Variants in ELMOD2 observed in about 807,000 individuals in gnomAD.
ELMOD2 encodes ELMO domain containing 2, also known as ELMO domain-containing protein 2.
Under a neutral mutation model 41.0 loss-of-function variants are expected in ELMOD2, and 28 were observed. The ratio of observed to expected loss-of-function variants is 0.68; its 90% CI spans 0.51 to 0.94. The LOEUF is 0.94. Among genes scored for constraint, ELMOD2 ranks in the 40% least tolerant of loss-of-function variants. The probability of loss-of-function intolerance (pLI) is 0.00; values close to 1 mark genes in which losing one functional copy is unlikely to be tolerated. For missense variants in ELMOD2, 333 were observed against 343.1 expected, an observed-to-expected ratio of 0.97 and a Z score of 0.23; for synonymous variants, 106 against 107.2, an observed-to-expected ratio of 0.99 and a Z score of 0.07.
chr4:140,552,262 A>C lies in ELMOD2; in HGVS notation c.*1887A>C, dbSNP rs1735488439. On this transcript the variant is annotated 3_prime_UTR_variant, in exon 9 of 9. Coordinates refer to ENST00000323570, the MANE Select transcript of ELMOD2 (RefSeq NM_153702.4). ...TACTTAAGAATGCTTTAAGTAAAGA[A>C]GGGGAAAATTTTAAGTAAGTTTTTT... is the stretch of plus-strand genomic sequence containing the variant. 1 of 152,058 alleles carries C rather than the reference A, an allele frequency of 6.6e-6. No homozygotes were observed. The highest frequency in any genetic ancestry group is 2.4e-5 in the African/African-American group (1 of 41,436). The allele number at this position is 152,058 out of a possible 1,614,324, so 9.4% of individuals were successfully genotyped here. A position where few individuals can be genotyped will look rare whatever the true frequency, so the allele number is the denominator to read the frequency against.
At chr4:140,526,153 T>C (rs755077379) in intron 2 of ELMOD2, among the ~76,000 whole-genome samples, 1 of 152,210 alleles carries the variant, frequency 6.6e-6, no homozygotes, top group African/African-American at 2.4e-5. Context: ...TATAAGAAAA[T>C]GTAAAAAGTC....
chr4:140,550,244 G>T lies in ELMOD2; in HGVS notation c.751G>T (p.Glu251Ter). Reference sequence around the variant, plus strand: ...TTTAACTGCAGGTTATCTTGTCTATGAATTTGACAAGTTTTGGTTTGAAGA... The same window carrying T: ...TTTAACTGCAGGTTATCTTGTCTATTAATTTGACAAGTTTTGGTTTGAAGA... ...FHQFYCYLVY[E>*]FDKFWFEEEP... is the part of the protein sequence containing the mutation. The change falls in exon 9 of 9, where the codon GAA (glutamate) becomes TAA (stop). Residue 251 changes from glutamate (E) to a stop codon, truncating the protein, a stop_gained. Transcript: ENST00000323570. LOFTEE classifies it high-confidence loss of function. The T allele has an allele frequency of 6.2e-7, 1 of 1,609,250 alleles. No homozygotes were observed. The highest frequency in any genetic ancestry group is 2.2e-5 in the East Asian group (1 of 44,630).
intron 3 of ELMOD2, among the ~76,000 whole-genome samples, chr4:140,530,330 T>C (rs1188322486): frequency 6.6e-6 from 1 of 152,194 alleles, no homozygotes; most frequent in Non-Finnish European, 1.5e-5. Context: ...TCCAAGGATT[T>C]GAATGACTAC....
At chr4:140,532,591 A>C (rs886818717) in intron 3 of ELMOD2, among the ~76,000 whole-genome samples, 6 of 152,202 alleles carry the variant, frequency 3.9e-5, no homozygotes, top group African/African-American at 1.4e-4. Flanking sequence ...CCAATTCATG[A>C]TTAAAAAATC....
chr4:140,530,489 A>C (rs1469412841), intron 3 of ELMOD2, among the ~76,000 whole-genome samples: 2 of 152,212 alleles, frequency 1.3e-5, no homozygotes, highest in Non-Finnish European at 2.9e-5. Context: ...TAGTGGTTAC[A>C]AGTTAAAGAA....
chr4:140,531,487 G>A (rs571229197), intron 3 of ELMOD2, among the ~76,000 whole-genome samples: 2 of 152,326 alleles, frequency 1.3e-5, no homozygotes, highest in South Asian at 2.1e-4. Flanking sequence ...CGCATATACA[G>A]GCATTTGAAT....
Position 140,550,606 on chromosome 4 carries a change from C to A in ELMOD2, c.*231C>A. The A allele has an allele frequency of 3.4e-6, 1 of 294,102 alleles. No individual in the cohort carries two copies. Among genetic ancestry groups the A allele is most frequent in the Non-Finnish European group, 6.1e-6 (1 of 164,384 alleles). 18.2% of individuals were successfully genotyped at this position (294,102 alleles called of 1,614,324 possible). On this transcript the variant is annotated 3_prime_UTR_variant, in exon 9 of 9. Transcript: ENST00000323570. ...CAAAGATCCCCTCTGTAGAGTCATG[C>A]GAACTACAGTTTGGAACTTGGGACT... is the stretch of plus-strand genomic sequence containing the variant.
chr4:140,549,038 A>G (rs1735382107), intron 8 of ELMOD2, among the ~76,000 whole-genome samples: 1 of 150,196 alleles, frequency 6.7e-6, no homozygotes, highest in Non-Finnish European at 1.5e-5. Context: ...CTCCTTGGTA[A>G]TCCATGCCTC....
intron 8 of ELMOD2, among the ~76,000 whole-genome samples, chr4:140,544,374 A>C (rs1254402277): frequency 6.6e-6 from 1 of 152,048 alleles, no homozygotes; most frequent in African/African-American, 2.4e-5. Flanking sequence ...TTTTGTCTGC[A>C]TCTTAACTTT....
chr4:140,525,234 GATC>G (rs1425066331), intron 1 of ELMOD2, 183 bp from the exon 2 acceptor site: 3 of 486,400 alleles, frequency 6.2e-6, no homozygotes, highest in African/African-American at 6.0e-5. Flanking sequence ...TTGGCCATTT[GATC>G]ATCAATTAAT....
At chr4:140,549,180 A>G (rs1175901685) in intron 8 of ELMOD2, among the ~76,000 whole-genome samples, 1 of 152,166 alleles carries the variant, frequency 6.6e-6, no homozygotes, top group East Asian at 1.9e-4. Context: ...TTCTTTCTGC[A>G]TAATTTGTTG....
At position 140,552,980 on chromosome 4, in the gene ELMOD2, G is replaced by A. The variant is rs1735506122; in HGVS notation, c.*2605G>A. ...AGATATAAAAATCAGTGTCTTACTGGCACCATTTACAGTTTAGAAAACAAT... is the reference window on the plus strand; with the variant it reads ...AGATATAAAAATCAGTGTCTTACTGACACCATTTACAGTTTAGAAAACAAT... On this transcript the variant is annotated 3_prime_UTR_variant, in exon 9 of 9. Transcript: ENST00000323570. The A allele has an allele frequency of 6.6e-6, 1 of 152,026 alleles. No homozygotes were observed. Among genetic ancestry groups the A allele is most frequent in the Non-Finnish European group, 1.5e-5 (1 of 67,960 alleles). 9.4% of individuals were successfully genotyped at this position (152,026 alleles called of 1,614,324 possible). A position where few individuals can be genotyped will look rare whatever the true frequency, so the allele number is the denominator to read the frequency against.
chr4:140,534,775 A>G (rs1275040661), intron 3 of ELMOD2, among the ~76,000 whole-genome samples: 1 of 152,162 alleles, frequency 6.6e-6, no homozygotes, highest in Non-Finnish European at 1.5e-5. Context: ...GCTGGTGGAG[A>G]ACATAGAGAA....
chr4:140,527,756 G>C, intron 3 of ELMOD2: 1 of 384,288 alleles, frequency 2.6e-6, no homozygotes, highest in Non-Finnish European at 4.7e-6. Context: ...TAGCTTTTAG[G>C]AAAGCAGGGC....
chr4:140,536,658 A>G (rs992924313), intron 4 of ELMOD2, among the ~76,000 whole-genome samples: 1 of 152,204 alleles, frequency 6.6e-6, no homozygotes, highest in African/African-American at 2.4e-5. Context: ...TGTATGCCAT[A>G]CTGAAGGATG....
In ELMOD2 at chr4:140,549,352, C is replaced by CGT. The variant is rs1553962938; in HGVS notation, c.737-878_737-877insGT. Reference sequence around the variant, plus strand: ...GGTTTTAAATTCACATTTAAGTTTACATATATGTGTGTGTGTGTGTGTGTG... The same window carrying CGT: ...GGTTTTAAATTCACATTTAAGTTTACGTATATATGTGTGTGTGTGTGTGTGTG... On this transcript the variant is annotated intron_variant, in intron 8 of 8. Coordinates refer to ENST00000323570, the MANE Select transcript of ELMOD2 (RefSeq NM_153702.4). Among the ~76,000 whole-genome samples, 51 of 150,526 alleles carry CGT rather than the reference C, an allele frequency of 3.4e-4. 1 individual carries two copies. In the East Asian group the frequency reaches 8.2e-3, roughly 24 times the overall value.
rs762536633 is a variant in ELMOD2 at position 140,537,405 on chromosome 4, T to G, written c.270-7T>G. 1 of 1,495,690 alleles carries G rather than the reference T, an allele frequency of 6.7e-7. No individual in the cohort carries two copies. The highest frequency in any genetic ancestry group is 8.8e-7 in the Non-Finnish European group (1 of 1,130,292). 92.7% of individuals were successfully genotyped at this position (1,495,690 alleles called of 1,614,324 possible). On this transcript the variant is annotated splice_polypyrimidine_tract_variant and splice_region_variant and intron_variant, in intron 4 of 8. Coordinates refer to ENST00000323570, the MANE Select transcript of ELMOD2 (RefSeq NM_153702.4). ...ATGCTTTTTAAAAATAATTTTATCA[T>G]TTTTAGTTTTAAAATATGCATGAAG...
chr4:140,530,844 G>T (rs994904129), intron 3 of ELMOD2, among the ~76,000 whole-genome samples: 3 of 151,852 alleles, frequency 2.0e-5, no homozygotes, highest in Non-Finnish European at 2.9e-5. Flanking sequence ...GTGATATTTT[G>T]GTTTACCTAA....
intron 3 of ELMOD2, among the ~76,000 whole-genome samples, chr4:140,531,475 T>TA (rs769187275): frequency 1.2e-4 from 18 of 152,264 alleles, no homozygotes; most frequent in South Asian, 2.1e-4. Context: ...CCACTGTACT[T>TA]ACGCATATAC....
Sources: allele counts gnomAD v4.1 joint callset (sites outside exome capture counted in the v4.1 genomes callset), GRCh38; gene constraint gnomAD v4.1.1; transcripts MANE v1.5; gene names NCBI Gene and HGNC (gene_info 2026-07-23, HGNC 2026-07-21).